Variants in CACNA2D1 observed in about 807,000 individuals in gnomAD.
CACNA2D1 encodes calcium voltage-gated channel auxiliary subunit alpha2delta 1.
In CACNA2D1, 53 loss-of-function variants were observed where a neutral mutation model predicts 171.5. That is an observed-to-expected ratio of 0.31 (90% CI 0.25 to 0.39). The LOEUF is 0.39. CACNA2D1 is among the 10% of genes least tolerant of loss of function. The probability of loss-of-function intolerance (pLI) is 1.00; values close to 1 mark genes in which losing one functional copy is unlikely to be tolerated. For synonymous variants in CACNA2D1, 442 were observed against 443.1 expected, an observed-to-expected ratio of 1.00 and a Z score of 0.03; for missense variants, 903 against 1,299.8, an observed-to-expected ratio of 0.69 and a Z score of 4.69.
intron 1 of CACNA2D1, among the ~76,000 whole-genome samples, chr7:82,426,728 T>A (rs1410755570): frequency 1.3e-5 from 2 of 152,102 alleles, no homozygotes; most frequent in Non-Finnish European, 2.9e-5. Context: ...TCAGGGACAA[T>A]GGGCCACTAA....
chr7:82,281,488 C>T (rs1017843608), intron 3 of CACNA2D1, among the ~76,000 whole-genome samples: 4 of 152,166 alleles, frequency 2.6e-5, no homozygotes, highest in African/African-American at 9.7e-5. Context: ...TACCAACTAA[C>T]TGTCATTCCT....
intron 8 of CACNA2D1, 58 bp from the exon 9 acceptor site, chr7:82,064,412 T>C: frequency 7.7e-7 from 1 of 1,296,896 alleles, no homozygotes; most frequent in Non-Finnish European, 1.1e-6. Flanking sequence ...CACTGATATT[T>C]GTTGAATTGA....
intron 3 of CACNA2D1, among the ~76,000 whole-genome samples, chr7:82,255,328 C>T (rs563012993): frequency 6.6e-6 from 1 of 152,168 alleles, no homozygotes; most frequent in Non-Finnish European, 1.5e-5. Flanking sequence ...TGTCTCACTA[C>T]TCTAGAATAC....
chr7:82,443,278 A>AAAGCCCCGCGACTCGGGAACC lies in CACNA2D1; in HGVS notation c.95+66_95+86dup, dbSNP rs1408418416. ...CTCGCTCCCCACCCCCACGGGCGGA[A>AAAGCCCCGCGACTCGGGAACC]AAGCCCCGCGACTCGGGAACCGACC... On this transcript the variant is annotated intron_variant, in intron 1 of 38. Transcript: ENST00000356860. The AAAGCCCCGCGACTCGGGAACC allele has an allele frequency of 8.1e-6, 11 of 1,357,626 alleles. No individual in the cohort carries two copies. In the East Asian group the frequency reaches 3.1e-4, roughly 38 times the overall value. The allele number at this position is 1,357,626 out of a possible 1,614,324, so 84.1% of individuals were successfully genotyped here.
chr7:82,023,196 T>C (rs1171553616), intron 12 of CACNA2D1, among the ~76,000 whole-genome samples: 1 of 151,912 alleles, frequency 6.6e-6, no homozygotes, highest in African/African-American at 2.4e-5. Context: ...CTCATGTACA[T>C]GGGTGAGCCC....
chr7:82,245,919 CTA>C, intron 3 of CACNA2D1, among the ~76,000 whole-genome samples: 1 of 151,956 alleles, frequency 6.6e-6, no homozygotes, highest in East Asian at 1.9e-4. Context: ...TAAATTTTTT[CTA>C]TATGACTTCA....
chr7:82,186,989 G>C (rs992866251), intron 3 of CACNA2D1, among the ~76,000 whole-genome samples: 2 of 152,132 alleles, frequency 1.3e-5, no homozygotes, highest in South Asian at 4.1e-4. Context: ...TTAGTATTCA[G>C]TGACTCTAGA....
intron 1 of CACNA2D1, 95 bp downstream of exon 1, chr7:82,443,270 C>T: frequency 7.9e-7 from 1 of 1,273,300 alleles, no homozygotes; most frequent in Non-Finnish European, 1.1e-6. Flanking sequence ...CCCACCCCCA[C>T]GGGCGGAAAA....
intron 4 of CACNA2D1, among the ~76,000 whole-genome samples, chr7:82,148,184 G>A (rs1014535917): frequency 1.3e-5 from 2 of 152,104 alleles, no homozygotes; most frequent in East Asian, 1.9e-4. Context: ...TGTTCAGCTC[G>A]GATAGTGCAT....
intron 3 of CACNA2D1, among the ~76,000 whole-genome samples, chr7:82,233,507 T>C (rs1201069883): frequency 6.6e-6 from 1 of 152,172 alleles, no homozygotes; most frequent in African/African-American, 2.4e-5. Context: ...CTGTGACCTT[T>C]ATTGAAGTAT....
At chr7:82,104,980 T>C (rs142743015) in intron 6 of CACNA2D1, among the ~76,000 whole-genome samples, 1 of 152,218 alleles carries the variant, frequency 6.6e-6, no homozygotes, top group African/African-American at 2.4e-5. Context: ...TTTTGAATTA[T>C]ACTTGAAATT....
chr7:82,338,246 A>G (rs1050179056), intron 2 of CACNA2D1, among the ~76,000 whole-genome samples: 5 of 152,208 alleles, frequency 3.3e-5, no homozygotes, highest in Admixed American at 1.3e-4. Context: ...CTTGGAAATC[A>G]TAATACAGAT....
At chr7:82,110,605 C>A (rs1788264393) in intron 6 of CACNA2D1, among the ~76,000 whole-genome samples, 1 of 152,322 alleles carries the variant, frequency 6.6e-6, no homozygotes, top group South Asian at 2.1e-4. Context: ...TACCCCTGCT[C>A]CCCGTTCGCT....
At chr7:82,183,257 C>T (rs914907969) in intron 3 of CACNA2D1, among the ~76,000 whole-genome samples, 3 of 152,036 alleles carry the variant, frequency 2.0e-5, no homozygotes, top group African/African-American at 7.2e-5. Context: ...GATTAACTTT[C>T]CAAATCACCT....
At chr7:81,959,905 A>G in intron 36 of CACNA2D1, 76 bp from the exon 37 acceptor site, 2 of 1,540,116 alleles carry the variant, frequency 1.3e-6, no homozygotes, top group Non-Finnish European at 1.8e-6. Flanking sequence ...AGATTCTTAC[A>G]TATTAAAATG....
At chr7:82,130,191 C>T (rs763501335) in intron 5 of CACNA2D1, among the ~76,000 whole-genome samples, 1 of 152,112 alleles carries the variant, frequency 6.6e-6, no homozygotes, top group Admixed American at 6.5e-5. Flanking sequence ...GTAAGAGTTA[C>T]ATCAGCTGCT....
Position 81,970,664 on chromosome 7 carries a change from T to C in CACNA2D1, c.2204+11A>G, listed in dbSNP as rs1480386723. 1 of 1,484,516 alleles carries C rather than the reference T, an allele frequency of 6.7e-7. No homozygotes were observed. The highest frequency in any genetic ancestry group is 1.1e-5 in the South Asian group (1 of 88,518). 92.0% of individuals were successfully genotyped at this position (1,484,516 alleles called of 1,614,324 possible). On this transcript the variant is annotated intron_variant, in intron 27 of 38. Transcript: ENST00000356860. Reference sequence around the variant, plus strand: ...AATGTACTTGTTTTTACAGATGTTATTTGAACTTACTCTTTGGGATAAACT... The same window carrying C: ...AATGTACTTGTTTTTACAGATGTTACTTGAACTTACTCTTTGGGATAAACT...
At chr7:82,376,117 G>A (rs551773285) in intron 1 of CACNA2D1, among the ~76,000 whole-genome samples, 17 of 152,244 alleles carry the variant, frequency 1.1e-4, no homozygotes, top group Admixed American at 4.6e-4. Context: ...CATCAGCCTG[G>A]GAGATGGGTA....
intron 1 of CACNA2D1, among the ~76,000 whole-genome samples, chr7:82,397,337 TA>T: frequency 6.6e-6 from 1 of 152,324 alleles, no homozygotes; most frequent in Middle Eastern, 3.4e-3. Context: ...AATATATTTT[TA>T]TTTTAATATA....
Sources: gnomAD v4.1 joint callset for allele counts (sites outside exome capture counted in the v4.1 genomes callset) on GRCh38, gnomAD v4.1.1 for gene constraint, MANE v1.5 for transcripts, NCBI Gene and HGNC (gene_info 2026-07-23, HGNC 2026-07-21) for gene names.